Variants in SCAPER observed in about 807,000 individuals in gnomAD.
SCAPER encodes S-phase cyclin A associated protein in the ER.
In SCAPER, 98 loss-of-function variants were observed where a neutral mutation model predicts 182.2. The ratio of observed to expected loss-of-function variants is 0.54; its 90% CI spans 0.46 to 0.64. SCAPER has a LOEUF of 0.64. Ranked by LOEUF, SCAPER falls within the 30% of genes least tolerant of loss-of-function variation. SCAPER has a pLI of 0.00. For synonymous variants in SCAPER, 605 were observed against 564.6 expected (o/e 1.07, Z -1.01); for missense variants, 1,432 against 1,690.0 (o/e 0.85, Z 2.68).
intron 28 of SCAPER, chr15:76,379,825 C>G (rs1483896187): frequency 6.6e-6 from 1 of 151,934 alleles, no homozygotes; most frequent in Non-Finnish European, 1.5e-5. Context: ...TGTGAGTGAG[C>G]CTGCACAGGC....
chr15:76,673,238 T>C (rs2057150366), intron 20 of SCAPER, among the ~76,000 whole-genome samples: 1 of 151,786 alleles, frequency 6.6e-6, no homozygotes, highest in Non-Finnish European at 1.5e-5. Flanking sequence ...AAAAGAAAAA[T>C]GACAGGAGAG....
chr15:76,825,923 T>G (rs2067972756), intron 5 of SCAPER, among the ~76,000 whole-genome samples: 1 of 152,158 alleles, frequency 6.6e-6, no homozygotes, highest in South Asian at 2.1e-4. Context: ...TTTTGTATTT[T>G]TAGTAGAAAC....
chr15:76,389,527 A>G (rs2043519671), intron 27 of SCAPER, among the ~76,000 whole-genome samples: 1 of 143,870 alleles, frequency 7.0e-6, no homozygotes, highest in Non-Finnish European at 1.5e-5. Flanking sequence ...AAAAAAAAAA[A>G]AAAAGGCCGG....
At chr15:76,626,567 A>G (rs1219269018) in intron 21 of SCAPER, among the ~76,000 whole-genome samples, 2 of 152,112 alleles carry the variant, frequency 1.3e-5, no homozygotes, top group Non-Finnish European at 2.9e-5. Context: ...AAATACAAAA[A>G]TTAGCTGGGT....
intron 22 of SCAPER, among the ~76,000 whole-genome samples, chr15:76,618,556 T>C (rs1388304669): frequency 2.6e-5 from 4 of 152,208 alleles, no homozygotes; most frequent in African/African-American, 9.6e-5. Context: ...TCTTTCCATT[T>C]ATAAAAGTCT....
intron 5 of SCAPER, among the ~76,000 whole-genome samples, chr15:76,831,446 C>T (rs1298699428): frequency 6.6e-6 from 1 of 151,902 alleles, no homozygotes; most frequent in Non-Finnish European, 1.5e-5. Flanking sequence ...CACACACCCA[C>T]AACATCCCCT....
chr15:76,707,850 A>T (rs2059340251), intron 17 of SCAPER, among the ~76,000 whole-genome samples: 1 of 152,142 alleles, frequency 6.6e-6, no homozygotes, highest in African/African-American at 2.4e-5. Context: ...CACATCATAA[A>T]TTATAGCTCA....
At chr15:76,579,423 T>C (rs2048104439) in intron 22 of SCAPER, among the ~76,000 whole-genome samples, 1 of 151,952 alleles carries the variant, frequency 6.6e-6, no homozygotes, top group Non-Finnish European at 1.5e-5. Context: ...GTTTGTTATT[T>C]AGTTTTTTTA....
At chr15:76,540,473 T>C (rs934575360) in intron 23 of SCAPER, among the ~76,000 whole-genome samples, 1 of 152,194 alleles carries the variant, frequency 6.6e-6, no homozygotes, top group Non-Finnish European at 1.5e-5. Flanking sequence ...TGACATGAGA[T>C]GTTCATATAT....
At chr15:76,541,995 T>C (rs2044789806) in intron 23 of SCAPER, among the ~76,000 whole-genome samples, 1 of 152,216 alleles carries the variant, frequency 6.6e-6, no homozygotes, top group Non-Finnish European at 1.5e-5. Context: ...CCTGAGTTTT[T>C]CTGAGAATAA....
chr15:76,713,068 T>C (rs1463055230), intron 17 of SCAPER, among the ~76,000 whole-genome samples: 2 of 152,100 alleles, frequency 1.3e-5, no homozygotes, highest in African/African-American at 4.8e-5. Flanking sequence ...TGATATTGGC[T>C]GTGGGTTTGT....
At chr15:76,508,838 C>T (rs2041805531) in intron 23 of SCAPER, among the ~76,000 whole-genome samples, 1 of 152,194 alleles carries the variant, frequency 6.6e-6, no homozygotes, top group African/African-American at 2.4e-5. Context: ...ATGGTCAATC[C>T]TTCCTCCCTG....
At chr15:76,433,948 G>T in intron 26 of SCAPER, 130 bp downstream of exon 26, 1 of 697,168 alleles carries the variant, frequency 1.4e-6, no homozygotes, top group Non-Finnish European at 2.4e-6. Context: ...AGGTATTCTT[G>T]GTATTCTCTA....
intron 5 of SCAPER, among the ~76,000 whole-genome samples, chr15:76,814,567 A>G (rs1384200703): frequency 6.6e-6 from 1 of 152,246 alleles, no homozygotes; most frequent in Admixed American, 6.5e-5. Flanking sequence ...CACATGTAAA[A>G]GAAGGAACTA....
chr15:76,692,407 G>A (rs2058409772), intron 20 of SCAPER, among the ~76,000 whole-genome samples: 1 of 152,090 alleles, frequency 6.6e-6, no homozygotes, highest in Non-Finnish European at 1.5e-5. Context: ...ATAACATGAA[G>A]GCTGGGCGTG....
chr15:76,775,835 CA>C (rs1284234936), intron 8 of SCAPER, among the ~76,000 whole-genome samples: 1 of 152,008 alleles, frequency 6.6e-6, no homozygotes, highest in Non-Finnish European at 1.5e-5. Flanking sequence ...AAAAAAATCA[CA>C]AAAAATAGCC....
intron 24 of SCAPER, among the ~76,000 whole-genome samples, chr15:76,483,484 G>T (rs1567235702): frequency 6.6e-6 from 1 of 151,992 alleles, no homozygotes; most frequent in Non-Finnish European, 1.5e-5. Context: ...CTCCATGAAA[G>T]AACAAATTGA....
At chr15:76,448,894 G>A (rs1321330996) in intron 25 of SCAPER, among the ~76,000 whole-genome samples, 1 of 152,096 alleles carries the variant, frequency 6.6e-6, no homozygotes, top group Non-Finnish European at 1.5e-5. Context: ...GACAGGAAAG[G>A]GTGATAAGTA....
At chr15:76,454,414 T>C (rs992656327) in intron 25 of SCAPER, among the ~76,000 whole-genome samples, 3 of 152,196 alleles carry the variant, frequency 2.0e-5, no homozygotes, top group African/African-American at 7.2e-5. Context: ...GGGAATAATA[T>C]CAATACATTT....
Sources: allele counts gnomAD v4.1 joint callset (sites outside exome capture counted in the v4.1 genomes callset), GRCh38; gene constraint gnomAD v4.1.1; transcripts MANE v1.5; gene names NCBI Gene and HGNC (gene_info 2026-07-23, HGNC 2026-07-21).